Variants in PLCL1 observed in about 807,000 individuals in gnomAD.
PLCL1 encodes the protein inactive phospholipase C-like protein 1.
PLCL1 carries 41 observed loss-of-function variants against 84.4 expected under a neutral mutation model. That is an observed-to-expected ratio of 0.49 (90% confidence interval 0.38 to 0.63). The LOEUF is 0.63. Ranked by LOEUF, PLCL1 falls within the 30% of genes least tolerant of loss-of-function variation. PLCL1 has a pLI of 0.00. For synonymous variants in PLCL1, 490 were observed against 488.3 expected, an observed-to-expected ratio of 1.00 and a Z score of -0.05; for missense variants, 1,206 against 1,367.8, an observed-to-expected ratio of 0.88 and a Z score of 1.87.
chr2:198,100,311 T>TA (rs1693299947), intron 3 of PLCL1, among the ~76,000 whole-genome samples: 4 of 151,628 alleles, frequency 2.6e-5, no homozygotes, highest in African/African-American at 9.7e-5. Context: ...AGATAGAAAA[T>TA]AAAAAAATTC....
At chr2:198,079,045 G>A (rs1412983051) in intron 1 of PLCL1, among the ~76,000 whole-genome samples, 1 of 151,944 alleles carries the variant, frequency 6.6e-6, no homozygotes, top group Non-Finnish European at 1.5e-5. Flanking sequence ...ATATTTTCAT[G>A]ATTGAGATCC....
intron 1 of PLCL1, among the ~76,000 whole-genome samples, chr2:198,014,130 T>C (rs928013804): frequency 2.6e-5 from 4 of 152,138 alleles, no homozygotes; most frequent in Non-Finnish European, 4.4e-5. Context: ...AGCCTTTTAT[T>C]TCATAGAAAG....
chr2:198,009,851 T>C (rs1690825959), intron 1 of PLCL1, among the ~76,000 whole-genome samples: 1 of 152,050 alleles, frequency 6.6e-6, no homozygotes, highest in South Asian at 2.1e-4. Flanking sequence ...TTCTTTGATT[T>C]CTTTTTGCAA....
At chr2:197,870,075 T>C (rs1574922704) in intron 1 of PLCL1, among the ~76,000 whole-genome samples, 1 of 152,144 alleles carries the variant, frequency 6.6e-6, no homozygotes, top group Non-Finnish European at 1.5e-5. Flanking sequence ...AGTTTTTGTT[T>C]TGTGTCTCCG....
intron 1 of PLCL1, among the ~76,000 whole-genome samples, chr2:197,843,369 G>T (rs72920770): frequency 9.2e-5 from 14 of 152,264 alleles, no homozygotes; most frequent in African/African-American, 3.1e-4. Context: ...CTAATTAAAA[G>T]AAAACTTATA....
chr2:198,004,468 C>G (rs1423559336), intron 1 of PLCL1, among the ~76,000 whole-genome samples: 2 of 152,052 alleles, frequency 1.3e-5, no homozygotes, highest in Non-Finnish European at 2.9e-5. Context: ...AGGCTTACTT[C>G]CAACATTAAT....
chr2:197,975,109 C>A (rs1689946475), intron 1 of PLCL1, among the ~76,000 whole-genome samples: 1 of 145,552 alleles, frequency 6.9e-6, no homozygotes, highest in Non-Finnish European at 1.5e-5. Context: ...CCACTGCAGT[C>A]CGCAGTCCGG....
intron 1 of PLCL1, among the ~76,000 whole-genome samples, chr2:197,899,878 G>A (rs969757209): frequency 3.3e-5 from 5 of 151,724 alleles, no homozygotes; most frequent in African/African-American, 9.7e-5. Flanking sequence ...CTCGTGATCC[G>A]CCCGCCTCGG....
chr2:198,094,726 G>T (rs1341908395), intron 3 of PLCL1, among the ~76,000 whole-genome samples: 1 of 152,156 alleles, frequency 6.6e-6, no homozygotes, highest in African/African-American at 2.4e-5. Flanking sequence ...TTTAACCTGG[G>T]AGAAGCGAGA....
intron 5 of PLCL1, among the ~76,000 whole-genome samples, chr2:198,104,164 G>A (rs558436950): frequency 6.6e-5 from 10 of 151,864 alleles, no homozygotes; most frequent in East Asian, 5.9e-4. Context: ...TATGCAATAG[G>A]TAGTTTTTTG....
chr2:198,049,270 A>G (rs532798625), intron 1 of PLCL1, among the ~76,000 whole-genome samples: 10 of 152,350 alleles, frequency 6.6e-5, no homozygotes, highest in African/African-American at 2.4e-4. Flanking sequence ...AAAATGCAAC[A>G]GCATAAATCC....
At chr2:197,812,735 G>A (rs1690612522) in intron 1 of PLCL1, among the ~76,000 whole-genome samples, 1 of 152,140 alleles carries the variant, frequency 6.6e-6, no homozygotes, top group African/African-American at 2.4e-5. Context: ...TGAGTATTTA[G>A]CAATCAGAGA....
At chr2:197,837,324 T>G (rs1691212233) in intron 1 of PLCL1, among the ~76,000 whole-genome samples, 1 of 152,224 alleles carries the variant, frequency 6.6e-6, no homozygotes, top group South Asian at 2.1e-4. Flanking sequence ...TTTGTAAACT[T>G]TGCTCCCTAA....
chr2:198,075,179 A>G (rs926423354), intron 1 of PLCL1, among the ~76,000 whole-genome samples: 1 of 152,188 alleles, frequency 6.6e-6, no homozygotes, highest in African/African-American at 2.4e-5. Flanking sequence ...CCTGCTGTGC[A>G]GGGGTCTCCT....
intron 3 of PLCL1, among the ~76,000 whole-genome samples, chr2:198,095,191 C>A (rs1346337449): frequency 6.6e-6 from 1 of 152,128 alleles, no homozygotes; most frequent in Non-Finnish European, 1.5e-5. Flanking sequence ...AAGACCATTT[C>A]TAAGTGACTC....
At chr2:197,916,938 A>G (rs1264014189) in intron 1 of PLCL1, among the ~76,000 whole-genome samples, 1 of 152,182 alleles carries the variant, frequency 6.6e-6, no homozygotes, top group Non-Finnish European at 1.5e-5. Context: ...GAGAATTGCA[A>G]ATTAAACAAC....
At position 198,085,484 on chromosome 2, in the gene PLCL1, C is replaced by T. The variant is rs149315810; in HGVS notation, c.1967C>T (p.Pro656Leu). ...AGGATCGATTCCAGTAACTTGAATC[C>T]ACAGGACTTTTGGAATTGTGGCTGT... ...AMRIDSSNLN[P>L]QDFWNCGCQI... The change falls in exon 2 of 6, where the codon CCA (proline) becomes CTA (leucine). Residue 656 changes from proline to leucine, a missense_variant. By Grantham distance (98) the Pro-to-Leu change is moderately conservative. Coordinates refer to ENST00000428675, the MANE Select transcript of PLCL1 (RefSeq NM_006226.4). This position sits in a 1 kb window ranked among gnomAD's most constrained non-coding sequence, Gnocchi z 5.3. 2.5e-6 allele frequency: 4 copies of T among 1,613,784 alleles called. No individual in the cohort carries two copies. The highest frequency in any genetic ancestry group is 2.5e-6 in the Non-Finnish European group (3 of 1,179,880).
At chr2:197,959,762 G>C (rs1168765984) in intron 1 of PLCL1, among the ~76,000 whole-genome samples, 1 of 152,020 alleles carries the variant, frequency 6.6e-6, no homozygotes, top group Non-Finnish European at 1.5e-5. Flanking sequence ...CAACAAACAA[G>C]TGATGATCTG....
intron 1 of PLCL1, among the ~76,000 whole-genome samples, chr2:197,832,715 G>T (rs925735653): frequency 6.6e-6 from 1 of 151,828 alleles, no homozygotes; most frequent in African/African-American, 2.4e-5. Context: ...AAAATTTCAG[G>T]CCAGTATACC....
Sources: allele counts gnomAD v4.1 joint callset (sites outside exome capture counted in the v4.1 genomes callset), GRCh38; gene constraint gnomAD v4.1.1; non-coding constraint Gnocchi (gnomAD v3.1); transcripts MANE v1.5; gene names NCBI Gene and HGNC (gene_info 2026-07-23, HGNC 2026-07-21).